TENT2: variants seen among roughly 807,000 people sequenced by gnomAD.
TENT2 encodes the protein poly(A) RNA polymerase GLD2.
In TENT2, 44 loss-of-function variants were observed where a neutral mutation model predicts 72.2. The observed-to-expected ratio is 0.61, with a 90% confidence interval of 0.48 to 0.78. The LOEUF (loss-of-function observed/expected upper bound fraction) is 0.78. Among genes scored for constraint, TENT2 ranks in the 30% least tolerant of loss-of-function variants. TENT2 has a pLI of 0.00. For missense variants in TENT2, 541 were observed against 569.6 expected (o/e 0.95, Z 0.51); for synonymous variants, 212 against 192.5 (o/e 1.10, Z -0.84).
intron 7 of TENT2, among the ~76,000 whole-genome samples, chr5:79,644,165 A>G (rs1345548525): frequency 1.3e-5 from 2 of 152,032 alleles, no homozygotes; most frequent in Non-Finnish European, 2.9e-5. Flanking sequence ...TATTTTTAGT[A>G]GAGACAGGGT....
intron 11 of TENT2, among the ~76,000 whole-genome samples, chr5:79,662,980 G>A (rs1032923861): frequency 1.3e-5 from 2 of 152,178 alleles, no homozygotes; most frequent in African/African-American, 4.8e-5. Context: ...GTTCAGTGTA[G>A]CCATGTTAAT....
At chr5:79,676,235 A>G (rs971074880) in intron 12 of TENT2, among the ~76,000 whole-genome samples, 7 of 151,604 alleles carry the variant, frequency 4.6e-5, no homozygotes, top group Non-Finnish European at 8.8e-5. Flanking sequence ...TTAGACTTGA[A>G]TTTTTCTTTA....
At chr5:79,683,077 G>A (rs983318114) in intron 14 of TENT2, among the ~76,000 whole-genome samples, 6 of 151,956 alleles carry the variant, frequency 3.9e-5, no homozygotes, top group East Asian at 1.9e-4. Context: ...CCAGGAGTTC[G>A]AGGCTGCAGT....
intron 7 of TENT2, 128 bp from the exon 8 acceptor site, chr5:79,644,995 A>G: frequency 4.2e-6 from 3 of 715,322 alleles, no homozygotes; most frequent in Non-Finnish European, 6.7e-6. Context: ...CCTCACTTGT[A>G]TTCTTTTTCA....
intron 14 of TENT2, among the ~76,000 whole-genome samples, chr5:79,682,528 A>AC (rs1330326717): frequency 4.1e-5 from 6 of 147,650 alleles, no homozygotes; most frequent in Non-Finnish European, 8.9e-5. Flanking sequence ...CAGGTGATTC[A>AC]CCCCCGTCTT....
In TENT2 at chr5:79,687,440, A is replaced by C. The variant is rs1826382348; in HGVS notation, c.*2167A>C. Among the ~76,000 whole-genome samples the C allele has an allele frequency of 6.6e-6, 1 of 152,186 alleles. No individual in the cohort carries two copies. Among genetic ancestry groups the C allele is most frequent in the Non-Finnish European group, 1.5e-5 (1 of 68,036 alleles). Reference sequence around the variant, plus strand: ...TCTTCAGATACCAAAATCCACAGATACTCAAGTCCCTTATATAAAATGGTG... The same window carrying C: ...TCTTCAGATACCAAAATCCACAGATCCTCAAGTCCCTTATATAAAATGGTG... On this transcript the variant is annotated 3_prime_UTR_variant, in exon 15 of 15. Transcript: ENST00000453514.
At chr5:79,617,306 A>G (rs2149842479) in intron 1 of TENT2, among the ~76,000 whole-genome samples, 1 of 151,760 alleles carries the variant, frequency 6.6e-6, no homozygotes, top group Non-Finnish European at 1.5e-5. Flanking sequence ...AATTTTATAT[A>G]GTAACTCAGT....
chr5:79,667,532 T>A (rs1380954706), intron 11 of TENT2, among the ~76,000 whole-genome samples: 1 of 152,118 alleles, frequency 6.6e-6, no homozygotes, highest in Non-Finnish European at 1.5e-5. Context: ...AATTTCTACT[T>A]GAATCTTAAA....
chr5:79,683,772 T>C (rs1267251266), intron 14 of TENT2, among the ~76,000 whole-genome samples: 1 of 149,806 alleles, frequency 6.7e-6, no homozygotes, highest in East Asian at 2.0e-4. Flanking sequence ...TACAAAAAAT[T>C]AGCCGGGTGT....
At chr5:79,646,664 G>A (rs1310452391) in intron 8 of TENT2, among the ~76,000 whole-genome samples, 1 of 151,884 alleles carries the variant, frequency 6.6e-6, no homozygotes, top group Non-Finnish European at 1.5e-5. Flanking sequence ...TATAATATTA[G>A]CTAATTATAA....
chr5:79,631,575 C>T (rs1039793164), intron 4 of TENT2, among the ~76,000 whole-genome samples: 1 of 152,098 alleles, frequency 6.6e-6, no homozygotes, highest in African/African-American at 2.4e-5. Flanking sequence ...TCGTTGAAAT[C>T]GGTTGAGGAA....
In TENT2 at chr5:79,623,376, C is replaced by T; in HGVS notation, c.352C>T (p.Pro118Ser). 6.2e-7 allele frequency: 1 copy of T among 1,613,382 alleles called. No individual in the cohort carries two copies. Among genetic ancestry groups the T allele is most frequent in the Non-Finnish European group, 8.5e-7 (1 of 1,179,630 alleles). Residue 118 changes from proline (P) to serine (S), a missense_variant, in exon 4 of 15, where the codon CCA (proline) becomes TCA (serine). Pro to Ser is a moderately conservative substitution (Grantham distance 74, BLOSUM62 -1). Coordinates refer to ENST00000453514, the MANE Select transcript of TENT2 (RefSeq NM_001114394.3). The stretch of plus-strand genomic sequence containing the variant: ...ATCAGGTGAACGAAGATACTCAATG[C>T]CACCATTGTTTCATACACATTATGT... The part of the protein sequence containing the change: ...PLSGERRYSM[P>S]PLFHTHYVPD...
intron 8 of TENT2, among the ~76,000 whole-genome samples, chr5:79,645,592 A>G (rs1024624618): frequency 2.6e-5 from 4 of 152,198 alleles, no homozygotes; most frequent in African/African-American, 9.6e-5. Flanking sequence ...TATGAAAGAT[A>G]CATATAATAC....
chr5:79,619,956 T>A, intron 2 of TENT2, 38 bp from the exon 3 acceptor site: 1 of 1,495,046 alleles, frequency 6.7e-7, no homozygotes, highest in South Asian at 1.3e-5. Flanking sequence ...AAAGAAAAAA[T>A]ATGTATAAAT....
chr5:79,660,225 A>G (rs1382236199), intron 11 of TENT2, among the ~76,000 whole-genome samples: 1 of 152,142 alleles, frequency 6.6e-6, no homozygotes, highest in Non-Finnish European at 1.5e-5. Flanking sequence ...ACTGTATTAT[A>G]GTATAGAATT....
chr5:79,668,229 T>C (rs1810049108), intron 11 of TENT2, among the ~76,000 whole-genome samples: 1 of 152,082 alleles, frequency 6.6e-6, no homozygotes, highest in African/African-American at 2.4e-5. Flanking sequence ...GCAAATAATA[T>C]CCTCTTTTAT....
At chr5:79,647,253 T>C (rs529259821) in intron 8 of TENT2, among the ~76,000 whole-genome samples, 1 of 152,316 alleles carries the variant, frequency 6.6e-6, no homozygotes, top group East Asian at 1.9e-4. Context: ...TATAAATAAG[T>C]ATTTTGTGCA....
chr5:79,658,517 C>G (rs1341708532), intron 11 of TENT2, among the ~76,000 whole-genome samples: 1 of 152,040 alleles, frequency 6.6e-6, no homozygotes, highest in South Asian at 2.1e-4. Flanking sequence ...GAATGTTTTT[C>G]TCTCTCCATA....
intron 11 of TENT2, among the ~76,000 whole-genome samples, chr5:79,659,513 C>T (rs1800518142): frequency 1.9e-5 from 2 of 107,464 alleles, no homozygotes; most frequent in South Asian, 6.3e-4. Context: ...GCCTCGGCGA[C>T]AGAGCGAGAC....
Sources: allele counts gnomAD v4.1 joint callset (sites outside exome capture counted in the v4.1 genomes callset), GRCh38; gene constraint gnomAD v4.1.1; transcripts MANE v1.5; gene names NCBI Gene and HGNC (gene_info 2026-07-23, HGNC 2026-07-21).